LRCH2: variants seen among roughly 807,000 people sequenced by gnomAD.
The protein encoded by LRCH2 is leucine-rich repeat and calponin homology domain-containing protein 2.
A neutral mutation model predicts 68.9 loss-of-function variants in LRCH2; 38 were observed. The ratio of observed to expected loss-of-function variants is 0.55; its 90% CI spans 0.43 to 0.72. LRCH2 has a LOEUF of 0.72. LRCH2 is among the 30% of genes least tolerant of loss of function. LRCH2 has a pLI of 0.00. For missense variants in LRCH2, 528 were observed against 572.9 expected, an observed-to-expected ratio of 0.92 and a Z score of 0.80; for synonymous variants, 191 against 208.1, an observed-to-expected ratio of 0.92 and a Z score of 0.71.
rs923800319 is a variant in LRCH2 at position 115,189,374 on chromosome X, G to A, written c.350-1004C>T. The A allele has an allele frequency of 7.3e-6, 8 of 1,102,907 alleles. No individual in the cohort carries two copies. In the Admixed American group the frequency reaches 1.8e-4, roughly 25 times the overall value. 90.9% of individuals were successfully genotyped at this position (1,102,907 alleles called of 1,213,427 possible). ...GGAGCCGCCCTCCACGAGAGCGCTC[G>A]AAGGCCGCGACTGAACTGCCGCGTC... On this transcript the variant is annotated intron_variant, in intron 1 of 20. Transcript: ENST00000317135.
chrX:115,114,140 T>C (rs2072063691), intron 20 of LRCH2, among the ~76,000 whole-genome samples: 1 of 111,433 alleles, frequency 9.0e-6, no homozygotes, highest in Non-Finnish European at 1.9e-5. Context: ...CTTTACCAAA[T>C]TAATTTGCCC....
chrX:115,163,601 C>T lies in LRCH2; in HGVS notation c.1463+75G>A, dbSNP rs782418087. ...TATTGTTTACTCAAAACTTCATATA[C>T]TTTGATAATCTTTAAATAATCAATT... On this transcript the variant is annotated intron_variant, in intron 11 of 20. Transcript: ENST00000317135. The T allele has an allele frequency of 4.1e-6, 3 of 730,058 alleles. No homozygotes were observed. The South Asian group carries it at 9.4e-5, about 23-fold the overall frequency. The allele number at this position is 730,058 out of a possible 1,213,427, so 60.2% of individuals were successfully genotyped here.
chrX:115,179,815 A>G (rs1603063596), intron 3 of LRCH2, 64 bp from the exon 4 acceptor site: 2 of 439,153 alleles, frequency 4.6e-6, no homozygotes, highest in Non-Finnish European at 6.6e-6. Flanking sequence ...TTATATATAT[A>G]TATTCTAATT....
chrX:115,230,381 C>T (rs190529358), intron 1 of LRCH2, among the ~76,000 whole-genome samples: 2 of 110,903 alleles, frequency 1.8e-5, no homozygotes, highest in East Asian at 2.9e-4. Flanking sequence ...AGCAAACTCC[C>T]CCTTTTAAAT....
chrX:115,118,516 G>T (rs781919402), intron 20 of LRCH2, among the ~76,000 whole-genome samples: 39 of 108,976 alleles, frequency 3.6e-4, no homozygotes, highest in African/African-American at 1.2e-3. Flanking sequence ...TGAAATTGTG[G>T]CAATAATCAA....
chrX:115,190,870 C>T lies in LRCH2; in HGVS notation c.350-2500G>A, dbSNP rs782338416. The T allele has an allele frequency of 3.2e-5, 37 of 1,153,481 alleles. No homozygotes were observed. The highest frequency in any genetic ancestry group is 2.3e-4 in the Middle Eastern group (1 of 4,257). On this transcript the variant is annotated intron_variant, in intron 1 of 20. Transcript: ENST00000317135. Reference sequence around the variant, plus strand: ...AGGCCGTTATGAGGAGTACCAAGGCCGCTCGCTGGATGCCAACAGTGGAGG... The same window carrying T: ...AGGCCGTTATGAGGAGTACCAAGGCTGCTCGCTGGATGCCAACAGTGGAGG...
intron 14 of LRCH2, among the ~76,000 whole-genome samples, chrX:115,135,182 C>T (rs980893813): frequency 7.2e-5 from 7 of 97,520 alleles, no homozygotes; most frequent in Admixed American, 3.6e-4. Flanking sequence ...AGTGCAGTGT[C>T]GTGATCTTGG....
At chrX:115,150,778 A>G (rs1012414774) in intron 12 of LRCH2, among the ~76,000 whole-genome samples, 1 of 111,297 alleles carries the variant, frequency 9.0e-6, no homozygotes, top group Admixed American at 9.6e-5. Context: ...CCAAGAGAAA[A>G]AGACAAAAAA....
At chrX:115,131,997 G>A (rs1333597317) in intron 14 of LRCH2, among the ~76,000 whole-genome samples, 1 of 111,754 alleles carries the variant, frequency 8.9e-6, no homozygotes, top group Non-Finnish European at 1.9e-5. Flanking sequence ...CCCTCTGTCA[G>A]GTGGGTAGAT....
Position 115,123,160 on chromosome X carries a change from C to A in LRCH2, c.1882G>T (p.Ala628Ser). The A allele has an allele frequency of 8.3e-7, 1 of 1,209,200 alleles. No homozygotes were observed. The stretch of plus-strand genomic sequence containing the variant: ...CTCATTGTAAATCCTGGATCTGCTG[C>A]CCCATATTCTTGGCGAGATGAGCGG... ...FSRSSRQEYG[A>S]ADPGFTMRRK... The change falls in exon 18 of 21, where the codon GCA becomes TCA. Residue 628 changes from alanine to serine, a missense_variant. Coordinates refer to ENST00000317135, the MANE Select transcript of LRCH2 (RefSeq NM_020871.4).
Position 115,166,433 on chromosome X carries a change from A to T in LRCH2, c.999-91T>A, listed in dbSNP as rs781912357. On this transcript the variant is annotated intron_variant, in intron 6 of 20. Transcript: ENST00000317135. ...CTAAAATTTCCCTAGATAATACAGAATATATACTTTTGATGTCTAAGATCC... is the reference window on the plus strand; with the variant it reads ...CTAAAATTTCCCTAGATAATACAGATTATATACTTTTGATGTCTAAGATCC... The T allele has an allele frequency of 7.2e-5, 39 of 541,686 alleles. 2 individuals are homozygous for T. The South Asian group carries it at 1.2e-3, about 17-fold the overall frequency. The allele number at this position is 541,686 out of a possible 1,213,427, so 44.6% of individuals were successfully genotyped here.
chrX:115,204,754 C>T (rs1276914388), intron 1 of LRCH2, among the ~76,000 whole-genome samples: 1 of 111,403 alleles, frequency 9.0e-6, no homozygotes, highest in African/African-American at 3.3e-5. Context: ...GCCTGGATTT[C>T]GTTGTTCATA....
chrX:115,172,451 A>G (rs1450356904), intron 5 of LRCH2, among the ~76,000 whole-genome samples: 1 of 112,351 alleles, frequency 8.9e-6, no homozygotes, highest in Non-Finnish European at 1.9e-5. Context: ...AACAGTGTCT[A>G]GAACACAGCA....
intron 1 of LRCH2, among the ~76,000 whole-genome samples, chrX:115,230,872 C>A (rs1016447300): frequency 5.4e-5 from 6 of 110,393 alleles, no homozygotes; most frequent in Non-Finnish European, 9.5e-5. Flanking sequence ...TTAGAATTAC[C>A]TGGGAAGATT....
At chrX:115,192,847 C>A (rs868972444) in intron 1 of LRCH2, 1 of 437,494 alleles carries the variant, frequency 2.3e-6, no homozygotes, top group East Asian at 4.1e-5. Flanking sequence ...TCAACAAGTT[C>A]TTGTTAAAAG....
chrX:115,182,731 G>C (rs1336877784), intron 3 of LRCH2, among the ~76,000 whole-genome samples: 1 of 107,047 alleles, frequency 9.3e-6, no homozygotes, highest in East Asian at 2.9e-4. Flanking sequence ...TACTCGGGAG[G>C]CTGAGGCAGG....
At chrX:115,233,075 GTGAT>G (rs1392373983) in intron 1 of LRCH2, among the ~76,000 whole-genome samples, 2 of 112,056 alleles carry the variant, frequency 1.8e-5, no homozygotes, top group African/African-American at 6.5e-5. Context: ...AGACATGTAA[GTGAT>G]TGATGATTTA....
At chrX:115,179,002 T>A (rs1196333995) in intron 5 of LRCH2, among the ~76,000 whole-genome samples, 1 of 112,295 alleles carries the variant, frequency 8.9e-6, no homozygotes, top group Non-Finnish European at 1.9e-5. Flanking sequence ...TCCACATGGA[T>A]TTAATCCTCA....
rs1306814561 is a variant in LRCH2, at chrX:115,189,929, A to C, written c.350-1559T>G. 1.7e-6 allele frequency: 2 copies of C among 1,158,429 alleles called. No individual in the cohort carries two copies. The highest frequency in any genetic ancestry group is 3.5e-5 in the African/African-American group (2 of 56,364). On this transcript the variant is annotated intron_variant, in intron 1 of 20. Coordinates refer to ENST00000317135, the MANE Select transcript of LRCH2 (RefSeq NM_020871.4). The stretch of plus-strand genomic sequence containing the variant: ...CGGCACTGGGCCAGCCCACCCCACA[A>C]GAGGGCCACGCCGTCGAGCCTGGCT...
Sources: gnomAD v4.1 joint callset for allele counts (sites outside exome capture counted in the v4.1 genomes callset) on GRCh38, gnomAD v4.1.1 for gene constraint, MANE v1.5 for transcripts, NCBI Gene and HGNC (gene_info 2026-07-23, HGNC 2026-07-21) for gene names.